Variants in IL16 observed in about 807,000 individuals in gnomAD.
IL16 encodes pro-interleukin-16.
Under a neutral mutation model 110.1 loss-of-function variants are expected in IL16, and 67 were observed. The ratio of observed to expected loss-of-function variants is 0.61; its 90% CI spans 0.50 to 0.75. IL16 has a LOEUF of 0.75. IL16 is among the 30% of genes least tolerant of loss of function. IL16 has a pLI of 0.00. For missense variants in IL16, 1,545 were observed against 1,655.0 expected (o/e 0.93, Z 1.15); for synonymous variants, 689 against 662.9 (o/e 1.04, Z -0.61).
intron 2 of IL16, among the ~76,000 whole-genome samples, chr15:81,257,456 C>T (rs575304141): frequency 1.1e-4 from 16 of 152,298 alleles, no homozygotes; most frequent in African/African-American, 3.8e-4. Flanking sequence ...AAGGGGCCAA[C>T]ACATTCTGGA....
chr15:81,273,305 G>C (rs1029219731), intron 6 of IL16, 101 bp downstream of exon 6: 6 of 808,800 alleles, frequency 7.4e-6, no homozygotes, highest in Non-Finnish European at 1.2e-5. Context: ...AATGTGTCTT[G>C]AGTTGTCAGG....
chr15:81,189,669 A>G (rs564544757), intron 1 of IL16, among the ~76,000 whole-genome samples: 1 of 152,262 alleles, frequency 6.6e-6, no homozygotes, highest in African/African-American at 2.4e-5. Context: ...TGAAAAACAT[A>G]CAAGAGTTCA....
chr15:81,233,045 G>T (rs568719761), intron 2 of IL16, among the ~76,000 whole-genome samples: 2 of 152,210 alleles, frequency 1.3e-5, no homozygotes, highest in South Asian at 2.1e-4. Context: ...GTAGAAATAG[G>T]ACTATACAAA....
intron 1 of IL16, among the ~76,000 whole-genome samples, chr15:81,217,641 A>G (rs1295338458): frequency 6.6e-6 from 1 of 152,220 alleles, no homozygotes; most frequent in African/African-American, 2.4e-5. Flanking sequence ...AAATGTTAGC[A>G]AACTCAATCC....
At chr15:81,218,946 T>G (rs1243102920) in intron 1 of IL16, among the ~76,000 whole-genome samples, 4 of 149,832 alleles carry the variant, frequency 2.7e-5, no homozygotes, top group Non-Finnish European at 5.9e-5. Flanking sequence ...TTTTTTTTTT[T>G]AGTCCATACT....
At chr15:81,231,283 AGAG>A (rs1293861460) in intron 2 of IL16, among the ~76,000 whole-genome samples, 1 of 131,178 alleles carries the variant, frequency 7.6e-6, no homozygotes, top group Non-Finnish European at 1.6e-5. Context: ...AGACCAGAGG[AGAG>A]GAGGGGAGGG....
At chr15:81,278,086 C>T (rs567273576) in intron 6 of IL16, among the ~76,000 whole-genome samples, 6 of 152,076 alleles carry the variant, frequency 3.9e-5, no homozygotes, top group South Asian at 2.1e-4. Flanking sequence ...CATATGACTT[C>T]GGACTTCTCT....
intron 2 of IL16, among the ~76,000 whole-genome samples, chr15:81,236,902 G>A (rs1369247393): frequency 1.3e-5 from 2 of 152,154 alleles, no homozygotes; most frequent in Non-Finnish European, 2.9e-5. Flanking sequence ...AGGTTGCAGT[G>A]AGCTGAGATC....
intron 2 of IL16, among the ~76,000 whole-genome samples, chr15:81,229,883 G>C (rs1328623790): frequency 1.3e-5 from 2 of 152,142 alleles, no homozygotes; most frequent in Non-Finnish European, 2.9e-5. Context: ...AACAACATCT[G>C]GAATGAGGCC....
chr15:81,185,160 T>TA (rs921327949), intron 1 of IL16, among the ~76,000 whole-genome samples: 1 of 151,860 alleles, frequency 6.6e-6, no homozygotes, highest in African/African-American at 2.4e-5. Context: ...GTCTCTCCAA[T>TA]AAAAAAAGTA....
chr15:81,228,538 G>C (rs1220385724), intron 2 of IL16, among the ~76,000 whole-genome samples: 1 of 151,952 alleles, frequency 6.6e-6, no homozygotes, highest in Non-Finnish European at 1.5e-5. Flanking sequence ...TGGCTGAGCT[G>C]GTTTCAAACT....
chr15:81,237,906 A>T (rs1014026289), intron 2 of IL16, among the ~76,000 whole-genome samples: 2 of 150,698 alleles, frequency 1.3e-5, no homozygotes, highest in African/African-American at 4.9e-5. Context: ...TATTTATTTT[A>T]TTTATTTATT....
chr15:81,295,974 TAGC>T (rs1440275442), intron 12 of IL16, among the ~76,000 whole-genome samples: 1 of 152,182 alleles, frequency 6.6e-6, no homozygotes, highest in Non-Finnish European at 1.5e-5. Context: ...CACCGCAGTA[TAGC>T]AAAGCATTTC....
At chr15:81,292,466 G>C (rs779500761) in intron 11 of IL16, 90 bp from the exon 12 acceptor site, 1 of 1,575,122 alleles carries the variant, frequency 6.3e-7, no homozygotes, top group Non-Finnish European at 8.7e-7. Flanking sequence ...GATGTGCAGT[G>C]TGCTGCCCGT....
At chr15:81,185,693 A>G (rs1028831298) in intron 1 of IL16, among the ~76,000 whole-genome samples, 1 of 152,146 alleles carries the variant, frequency 6.6e-6, no homozygotes, top group Non-Finnish European at 1.5e-5. Context: ...ACAACTGTAC[A>G]CACATAAATA....
chr15:81,285,657 T>C (rs1471230892), intron 9 of IL16, 41 bp from the exon 10 acceptor site: 6 of 1,609,556 alleles, frequency 3.7e-6, no homozygotes, highest in Admixed American at 1.7e-5. Context: ...AAATGTCTCA[T>C]TGATTCACTT....
At chr15:81,260,243 A>AT (rs1191814435) in intron 3 of IL16, among the ~76,000 whole-genome samples, 1 of 152,340 alleles carries the variant, frequency 6.6e-6, no homozygotes, top group East Asian at 1.9e-4. Context: ...AAAATAGAAG[A>AT]TGGCTAGTAC....
At chr15:81,203,732 G>C (rs1895908818) in intron 1 of IL16, among the ~76,000 whole-genome samples, 2 of 152,188 alleles carry the variant, frequency 1.3e-5, no homozygotes, top group South Asian at 4.1e-4. Context: ...CAGCCTTGTA[G>C]TATAGTTTGA....
At chr15:81,187,975 A>G (rs1895442145) in intron 1 of IL16, among the ~76,000 whole-genome samples, 1 of 152,162 alleles carries the variant, frequency 6.6e-6, no homozygotes. Flanking sequence ...GAAACAGGCC[A>G]GGGAAGAGGA....
Sources: gnomAD v4.1 joint callset for allele counts (sites outside exome capture counted in the v4.1 genomes callset) on GRCh38, gnomAD v4.1.1 for gene constraint, MANE v1.5 for transcripts, NCBI Gene and HGNC (gene_info 2026-07-23, HGNC 2026-07-21) for gene names.